UVRAG: variants seen among roughly 807,000 people sequenced by gnomAD.
UVRAG encodes UV radiation resistance associated, also known as UV radiation resistance-associated gene protein.
In UVRAG, 19 loss-of-function variants were observed where a neutral mutation model predicts 78.0. The observed-to-expected ratio is 0.24, with a 90% CI of 0.17 to 0.36. The LOEUF (loss-of-function observed/expected upper bound fraction) is 0.36, where lower values mean the gene tolerates loss of function less well. Ranked by LOEUF, UVRAG falls within the 10% of genes least tolerant of loss-of-function variation. UVRAG has a pLI of 1.00. For synonymous variants in UVRAG, 323 were observed against 324.6 expected (o/e 1.00, Z 0.05); for missense variants, 740 against 853.8 (o/e 0.87, Z 1.66).
chr11:75,902,840 G>A (rs1181300916), intron 5 of UVRAG, among the ~76,000 whole-genome samples: 1 of 152,034 alleles, frequency 6.6e-6, no homozygotes, highest in Non-Finnish European at 1.5e-5. Context: ...GTTTCCTGGC[G>A]GACCTATAGA....
intron 1 of UVRAG, among the ~76,000 whole-genome samples, chr11:75,845,153 G>T (rs1406150151): frequency 6.6e-6 from 1 of 152,112 alleles, no homozygotes; most frequent in Non-Finnish European, 1.5e-5. Context: ...TTTTGATTTT[G>T]TATGTTAGTG....
At chr11:75,829,160 G>A (rs567653092) in intron 1 of UVRAG, among the ~76,000 whole-genome samples, 1 of 152,044 alleles carries the variant, frequency 6.6e-6, no homozygotes, top group African/African-American at 2.4e-5. Flanking sequence ...CTACAACCTC[G>A]AACTCCTGGG....
At chr11:75,902,154 T>G (rs956614631) in intron 5 of UVRAG, among the ~76,000 whole-genome samples, 1 of 152,204 alleles carries the variant, frequency 6.6e-6, no homozygotes, top group Non-Finnish European at 1.5e-5. Context: ...TAGCAGCAGA[T>G]CATTAGAAAT....
chr11:75,981,693 C>T (rs1949398492), intron 7 of UVRAG, among the ~76,000 whole-genome samples: 1 of 151,806 alleles, frequency 6.6e-6, no homozygotes, highest in Non-Finnish European at 1.5e-5. Flanking sequence ...CAAAAGTTAG[C>T]TCTTTTGGTA....
chr11:76,137,914 A>G (rs895856764), intron 14 of UVRAG, among the ~76,000 whole-genome samples: 1 of 151,774 alleles, frequency 6.6e-6, no homozygotes, highest in Non-Finnish European at 1.5e-5. Flanking sequence ...CTCTAAAAAA[A>G]TTTTTTTTTA....
At chr11:76,089,136 T>G (rs1428719092) in intron 13 of UVRAG, among the ~76,000 whole-genome samples, 1 of 152,162 alleles carries the variant, frequency 6.6e-6, no homozygotes, top group East Asian at 1.9e-4. Context: ...TCAAATGAAA[T>G]TACAGTCTTA....
chr11:75,902,717 A>G (rs1392477040), intron 5 of UVRAG, among the ~76,000 whole-genome samples: 1 of 151,056 alleles, frequency 6.6e-6, no homozygotes, highest in African/African-American at 2.4e-5. Flanking sequence ...CAGCCACTAG[A>G]CTCTTTTGAG....
At chr11:76,084,069 T>C (rs1951543220) in intron 13 of UVRAG, among the ~76,000 whole-genome samples, 1 of 152,214 alleles carries the variant, frequency 6.6e-6, no homozygotes, top group Non-Finnish European at 1.5e-5. Flanking sequence ...TGTAAGTGCT[T>C]CATCTCTGAG....
rs149976783 is a variant in UVRAG at position 76,110,864 on chromosome 11, A to T, written c.1306-5060A>T. On this transcript the variant is annotated intron_variant, in intron 13 of 14. Transcript: ENST00000356136. ...TCCCATATATATATATGAGACTTTT[A>T]TTTGTTTGTTTGCTTGGAGTCAGAG... Among the ~76,000 whole-genome samples, 866 of 152,126 alleles carry T rather than the reference A, an allele frequency of 5.7e-3. 6 individuals carry two copies. The highest frequency in any genetic ancestry group is 0.02 in the African/African-American group (822 of 41,512).
rs1283219306 is a variant in UVRAG at position 75,961,192 on chromosome 11, C to CT, written c.594-249dup. 2.6e-5 allele frequency among the ~76,000 whole-genome samples: 4 copies of CT among 152,228 alleles called. No individual in the cohort carries two copies. In the East Asian group the frequency reaches 7.7e-4, roughly 29 times the overall value. On this transcript the variant is annotated intron_variant, in intron 6 of 14. Coordinates refer to ENST00000356136, the MANE Select transcript of UVRAG (RefSeq NM_003369.4). ...ACTTTCTCAGGGCTCTTCCCAACTC[C>CT]TTTGAGTTCTTCATCTTACCTCACA...
chr11:76,095,330 CT>C (rs1446716798), intron 13 of UVRAG, among the ~76,000 whole-genome samples: 1 of 152,072 alleles, frequency 6.6e-6, no homozygotes, highest in Non-Finnish European at 1.5e-5. Context: ...TGGAATTCAA[CT>C]TTTTCAATTC....
At chr11:76,044,471 G>C (rs1243186695) in intron 12 of UVRAG, among the ~76,000 whole-genome samples, 1 of 152,166 alleles carries the variant, frequency 6.6e-6, no homozygotes, top group African/African-American at 2.4e-5. Flanking sequence ...ACAGTATACG[G>C]ATTAAAATTT....
chr11:75,827,552 A>G (rs1945542510), intron 1 of UVRAG, among the ~76,000 whole-genome samples: 1 of 152,196 alleles, frequency 6.6e-6, no homozygotes, highest in Non-Finnish European at 1.5e-5. Flanking sequence ...CGGAGGTTGC[A>G]GTGAGCCGAG....
chr11:75,888,781 C>T, intron 4 of UVRAG, 48 bp from the exon 5 acceptor site: 5 of 1,499,772 alleles, frequency 3.3e-6, no homozygotes, highest in Non-Finnish European at 4.6e-6. Context: ...TGTATTAAAA[C>T]ATGATCGGAA....
chr11:76,045,495 TAAATAA>T (rs1950733832), intron 12 of UVRAG, among the ~76,000 whole-genome samples: 1 of 152,178 alleles, frequency 6.6e-6, no homozygotes, highest in African/African-American at 2.4e-5. Context: ...AATATAGGGA[TAAATAA>T]AAATCAATAG....
At chr11:75,872,770 G>A (rs527701061) in intron 3 of UVRAG, among the ~76,000 whole-genome samples, 30 of 152,346 alleles carry the variant, frequency 2.0e-4, no homozygotes, top group African/African-American at 7.2e-4. Flanking sequence ...CGTTAGACAA[G>A]TGACTTAATA....
intron 7 of UVRAG, among the ~76,000 whole-genome samples, chr11:75,983,179 ATTTACT>A (rs1341656953): frequency 6.6e-6 from 1 of 152,078 alleles, no homozygotes; most frequent in Non-Finnish European, 1.5e-5. Flanking sequence ...CAGACTTAAG[ATTTACT>A]TTTACTCTTA....
chr11:76,136,785 G>A (rs992061508), intron 14 of UVRAG, among the ~76,000 whole-genome samples: 7 of 151,938 alleles, frequency 4.6e-5, no homozygotes, highest in East Asian at 1.9e-4. Flanking sequence ...GGTGTTAGCC[G>A]CCACACCTGG....
intron 6 of UVRAG, among the ~76,000 whole-genome samples, chr11:75,918,241 T>C (rs1310879407): frequency 6.7e-6 from 1 of 149,062 alleles, no homozygotes; most frequent in African/African-American, 2.5e-5. Context: ...TAGCCAGGCA[T>C]GGTAGCGGGC....
Sources: allele counts gnomAD v4.1 joint callset (sites outside exome capture counted in the v4.1 genomes callset), GRCh38; gene constraint gnomAD v4.1.1; transcripts MANE v1.5; gene names NCBI Gene and HGNC (gene_info 2026-07-23, HGNC 2026-07-21).